Variants in TPST1 observed in about 807,000 individuals in gnomAD.
TPST1 encodes protein-tyrosine sulfotransferase 1.
In TPST1, 20 loss-of-function variants were observed where a neutral mutation model predicts 34.8. The observed-to-expected ratio is 0.57, with a 90% confidence interval of 0.40 to 0.84. The LOEUF (loss-of-function observed/expected upper bound fraction) is 0.84, where lower values mean the gene tolerates loss of function less well. Ranked by LOEUF, TPST1 falls within the 40% of genes least tolerant of loss-of-function variation. The pLI is 0.00. For synonymous variants in TPST1, 152 were observed against 159.4 expected, an observed-to-expected ratio of 0.95 and a Z score of 0.35; for missense variants, 353 against 455.5, an observed-to-expected ratio of 0.78 and a Z score of 2.05.
chr7:66,213,769 C>T (rs959412856), intron 1 of TPST1, among the ~76,000 whole-genome samples: 1 of 151,480 alleles, frequency 6.6e-6, no homozygotes, highest in African/African-American at 2.4e-5. Flanking sequence ...AGAATAATGG[C>T]TACTTTAAAA....
intron 3 of TPST1, among the ~76,000 whole-genome samples, chr7:66,334,771 T>A (rs776622019): frequency 2.0e-5 from 3 of 152,082 alleles, no homozygotes; most frequent in Non-Finnish European, 4.4e-5. Context: ...GTGCCACCCC[T>A]TCCCCCCAAG....
At chr7:66,350,533 C>CAA (rs77316510) in intron 3 of TPST1, among the ~76,000 whole-genome samples, 29 of 121,218 alleles carry the variant, frequency 2.4e-4, no homozygotes, top group African/African-American at 7.8e-4. Flanking sequence ...TAACGGAGAA[C>CAA]AAAAAAAAAA....
chr7:66,326,672 A>G (rs1343799441), intron 3 of TPST1, among the ~76,000 whole-genome samples: 1 of 152,160 alleles, frequency 6.6e-6, no homozygotes, highest in African/African-American at 2.4e-5. Flanking sequence ...AGAGGTTCCT[A>G]TTTCACAGTC....
intron 1 of TPST1, among the ~76,000 whole-genome samples, chr7:66,215,109 C>A (rs1472380741): frequency 6.8e-6 from 1 of 147,820 alleles, no homozygotes. Flanking sequence ...GGTTGGAGTG[C>A]AGTGGCGCGA....
intron 1 of TPST1, among the ~76,000 whole-genome samples, chr7:66,219,319 A>G (rs888247898): frequency 6.6e-6 from 1 of 152,176 alleles, no homozygotes; most frequent in Non-Finnish European, 1.5e-5. Context: ...TGGGAAACCT[A>G]CTTTCATATG....
At chr7:66,224,098 CCAGCCCCTAACGTG>C (rs1376992218) in intron 1 of TPST1, among the ~76,000 whole-genome samples, 17 of 152,224 alleles carry the variant, frequency 1.1e-4, no homozygotes, top group Middle Eastern at 3.4e-3. Context: ...GGGTCTGGTG[CCAGCCCCTAACGTG>C]CAGCTAGGAA....
chr7:66,341,339 C>T (rs1187202501), intron 3 of TPST1, among the ~76,000 whole-genome samples: 4 of 152,120 alleles, frequency 2.6e-5, no homozygotes, highest in Non-Finnish European at 5.9e-5. Context: ...AGTGCAGTGG[C>T]ATGATCTTGG....
chr7:66,331,087 A>G (rs10447522), intron 3 of TPST1, among the ~76,000 whole-genome samples: 101,312 of 151,970 alleles, frequency 0.67, 34,163 homozygotes, highest in African/African-American at 0.76. Context: ...GACTGTTGGC[A>G]GGCCTCAGGT....
At chr7:66,340,015 T>G (rs569510695) in intron 3 of TPST1, among the ~76,000 whole-genome samples, 1 of 151,998 alleles carries the variant, frequency 6.6e-6, no homozygotes, top group African/African-American at 2.4e-5. Flanking sequence ...CCCTTCTTGA[T>G]AAAAATTCTC....
Position 66,334,946 on chromosome 7 carries a change from TAAAGTGGGGAC to T in TPST1, c.1045-17554_1045-17544del, listed in dbSNP as rs201318710. 4.2e-4 allele frequency among the ~76,000 whole-genome samples: 64 copies of T among 152,096 alleles called. No homozygotes were observed. In the East Asian group the frequency reaches 9.3e-3, roughly 22 times the overall value. On this transcript the variant is annotated intron_variant, in intron 3 of 5. Transcript: ENST00000304842. ...GCCAGGAGAGCTGAACTATCTGGGG[TAAAGTGGGGAC>T]AAAGAGCAGGGCACTGATTGTAGCA...
chr7:66,340,837 C>T (rs1792222631), intron 3 of TPST1, among the ~76,000 whole-genome samples: 1 of 152,040 alleles, frequency 6.6e-6, no homozygotes, highest in East Asian at 1.9e-4. Flanking sequence ...ATAGTGAAAC[C>T]CCATCTCTAC....
intron 2 of TPST1, among the ~76,000 whole-genome samples, chr7:66,272,045 T>C (rs1423974432): frequency 1.3e-5 from 2 of 152,210 alleles, no homozygotes; most frequent in Non-Finnish European, 2.9e-5. Flanking sequence ...CTCTGTGCCT[T>C]TTATACTTTT....
chr7:66,280,331 C>G (rs1442410022), intron 2 of TPST1, among the ~76,000 whole-genome samples: 1 of 152,142 alleles, frequency 6.6e-6, no homozygotes, highest in African/African-American at 2.4e-5. Flanking sequence ...AGATCTTGGG[C>G]CATCTTCTTG....
chr7:66,211,162 T>A (rs2116218457), intron 1 of TPST1, among the ~76,000 whole-genome samples: 1 of 152,210 alleles, frequency 6.6e-6, no homozygotes, highest in South Asian at 2.1e-4. Flanking sequence ...GAGATGGAGT[T>A]TCGCTCTTGT....
intron 3 of TPST1, among the ~76,000 whole-genome samples, chr7:66,309,673 A>G (rs1791491909): frequency 6.6e-6 from 1 of 152,220 alleles, no homozygotes; most frequent in Non-Finnish European, 1.5e-5. Flanking sequence ...GAAGCGTTAG[A>G]CACTGCTGAC....
intron 2 of TPST1, among the ~76,000 whole-genome samples, chr7:66,268,703 C>A (rs966028344): frequency 5.9e-5 from 9 of 151,544 alleles, no homozygotes; most frequent in Non-Finnish European, 8.8e-5. Flanking sequence ...CAACTGTAAA[C>A]GATTTTTTTT....
intron 1 of TPST1, among the ~76,000 whole-genome samples, chr7:66,219,452 AT>A (rs1373424155): frequency 6.6e-6 from 1 of 152,222 alleles, no homozygotes; most frequent in Non-Finnish European, 1.5e-5. Flanking sequence ...CTAGTTCTCC[AT>A]TCTTAATCTC....
At chr7:66,326,771 A>G (rs1338930713) in intron 3 of TPST1, among the ~76,000 whole-genome samples, 1 of 152,222 alleles carries the variant, frequency 6.6e-6, no homozygotes, top group Non-Finnish European at 1.5e-5. Flanking sequence ...CTTTACTTAA[A>G]AGAAATAGAA....
At chr7:66,227,216 A>G (rs982601713) in intron 1 of TPST1, among the ~76,000 whole-genome samples, 3 of 151,434 alleles carry the variant, frequency 2.0e-5, no homozygotes, top group Non-Finnish European at 4.4e-5. Context: ...TATTTTTAGT[A>G]GAGACGGGGT....
Sources: allele counts gnomAD v4.1 joint callset (sites outside exome capture counted in the v4.1 genomes callset), GRCh38; gene constraint gnomAD v4.1.1; transcripts MANE v1.5; gene names NCBI Gene and HGNC (gene_info 2026-07-23, HGNC 2026-07-21).